ENOPH1: variants seen among roughly 807,000 people sequenced by gnomAD.
ENOPH1 encodes the protein enolase-phosphatase 1, also known as enolase-phosphatase E1.
Under a neutral mutation model 31.1 loss-of-function variants are expected in ENOPH1, and 14 were observed. The observed-to-expected ratio is 0.45, with a 90% CI of 0.30 to 0.70. The LOEUF (loss-of-function observed/expected upper bound fraction) is 0.70. Among genes scored for constraint, ENOPH1 ranks in the 30% least tolerant of loss-of-function variants. The pLI, the probability that ENOPH1 is intolerant of heterozygous loss-of-function variation, is 0.09. For missense variants in ENOPH1, 243 were observed against 321.5 expected (o/e 0.76, Z 1.87); for synonymous variants, 127 against 123.2 (o/e 1.03, Z -0.21).
At chr4:82,447,701 G>A (rs1046421790) in intron 1 of ENOPH1, among the ~76,000 whole-genome samples, 4 of 152,208 alleles carry the variant, frequency 2.6e-5, no homozygotes, top group Non-Finnish European at 5.9e-5. Flanking sequence ...ATAGGCAGTG[G>A]ACTTGATTTG....
At chr4:82,442,015 T>C (rs937144853) in intron 1 of ENOPH1, among the ~76,000 whole-genome samples, 1 of 152,182 alleles carries the variant, frequency 6.6e-6, no homozygotes, top group African/African-American at 2.4e-5. Context: ...CTGATCATAG[T>C]ATAGCTGATT....
rs1203134923 is a variant in ENOPH1 at position 82,460,261 on chromosome 4, AT to A, written c.*143del. Reference sequence around the variant, plus strand: ...AGTATGTATATATGTGTATGCTCAGATTAACTTCCATAGGTACATAAGTGAA... The same window carrying A: ...AGTATGTATATATGTGTATGCTCAGATAACTTCCATAGGTACATAAGTGAA... On this transcript the variant is annotated 3_prime_UTR_variant, in exon 6 of 6. Transcript: ENST00000273920. 4.1e-6 allele frequency: 3 copies of A among 728,928 alleles called. No individual in the cohort carries two copies. The African/African-American group carries it at 5.4e-5, about 13-fold the overall frequency. 45.2% of individuals were successfully genotyped at this position (728,928 alleles called of 1,614,324 possible).
chr4:82,450,288 A>AT lies in ENOPH1; in HGVS notation c.187-749dup, dbSNP rs1258898169. 2.6e-5 allele frequency among the ~76,000 whole-genome samples: 4 copies of AT among 152,272 alleles called. No homozygotes were observed. In the East Asian group the frequency reaches 5.8e-4, roughly 22 times the overall value. On this transcript the variant is annotated intron_variant, in intron 2 of 5. Transcript: ENST00000273920. ...TTTTAAACCAACCATAACAAAACCA[A>AT]TTTTTTCTCCACATAAATGTTATAA...
chr4:82,454,087 GC>G (rs879345008), intron 3 of ENOPH1, among the ~76,000 whole-genome samples: 8 of 150,304 alleles, frequency 5.3e-5, no homozygotes, highest in Non-Finnish European at 1.0e-4. Flanking sequence ...GGTAGCACAT[GC>G]TTGTAGTCCC....
chr4:82,457,394 G>A (rs149072933), intron 5 of ENOPH1, among the ~76,000 whole-genome samples: 6 of 152,202 alleles, frequency 3.9e-5, no homozygotes, highest in Non-Finnish European at 7.4e-5. Context: ...CACTCCTGTG[G>A]TCCCAGCTGC....
chr4:82,445,219 A>G (rs1303475518), intron 1 of ENOPH1, among the ~76,000 whole-genome samples: 1 of 151,494 alleles, frequency 6.6e-6, no homozygotes, highest in African/African-American at 2.4e-5. Context: ...ACAGATCAAG[A>G]CTCTGTCTCA....
chr4:82,445,242 A>T (rs1351931407), intron 1 of ENOPH1, among the ~76,000 whole-genome samples: 1 of 152,162 alleles, frequency 6.6e-6, no homozygotes, highest in East Asian at 1.9e-4. Flanking sequence ...AAAGAAAAAA[A>T]AAATTCTTAT....
chr4:82,440,026 C>T (rs1286031983), intron 1 of ENOPH1, among the ~76,000 whole-genome samples: 1 of 151,954 alleles, frequency 6.6e-6, no homozygotes, highest in African/African-American at 2.4e-5. Flanking sequence ...ATTGGGTAGG[C>T]ATTTGGAAAA....
At chr4:82,444,480 T>C (rs1391166524) in intron 1 of ENOPH1, among the ~76,000 whole-genome samples, 5 of 152,244 alleles carry the variant, frequency 3.3e-5, no homozygotes, top group Non-Finnish European at 7.3e-5. Flanking sequence ...ACCCGTTTTC[T>C]TCAAAGGAGA....
chr4:82,454,072 G>A (rs1372822814), intron 3 of ENOPH1, among the ~76,000 whole-genome samples: 2 of 151,728 alleles, frequency 1.3e-5, no homozygotes, highest in East Asian at 1.9e-4. Context: ...AAAAAAGCTG[G>A]GGGTGGTAGC....
At position 82,441,360 on chromosome 4, in the gene ENOPH1, T is replaced by C. The variant is rs143387616; in HGVS notation, c.85-6560T>C. Among the ~76,000 whole-genome samples, 843 of 152,276 alleles carry C rather than the reference T, an allele frequency of 5.5e-3. 10 individuals are homozygous for C. In the East Asian group the frequency reaches 0.064, roughly 12 times the overall value. ...TCAGGTTGTCAGGTGTGGTGGCTCA[T>C]GCCTGTAATCCCAGCTGTTTGGGAG... is the stretch of plus-strand genomic sequence containing the variant. On this transcript the variant is annotated intron_variant, in intron 1 of 5. Coordinates refer to ENST00000273920, the MANE Select transcript of ENOPH1 (RefSeq NM_021204.5).
At chr4:82,450,148 G>A (rs1005242622) in intron 2 of ENOPH1, among the ~76,000 whole-genome samples, 2 of 152,192 alleles carry the variant, frequency 1.3e-5, no homozygotes, top group African/African-American at 2.4e-5. Flanking sequence ...GAATATTTGG[G>A]ATTTTAATTT....
chr4:82,437,515 T>C (rs1395714030), intron 1 of ENOPH1, among the ~76,000 whole-genome samples: 4 of 152,202 alleles, frequency 2.6e-5, no homozygotes, highest in African/African-American at 9.6e-5. Context: ...CCTTTTCGTC[T>C]CCAAGTGTGG....
chr4:82,443,685 GC>G lies in ENOPH1; in HGVS notation c.85-4233del, dbSNP rs1424532495. Reference sequence around the variant, plus strand: ...GGAGCTTGCAGTGAGCTGAGATTGTGCCACTGCCCTCCAGCCTGGGACAGAG... The same window carrying G: ...GGAGCTTGCAGTGAGCTGAGATTGTGCACTGCCCTCCAGCCTGGGACAGAG... On this transcript the variant is annotated intron_variant, in intron 1 of 5. Coordinates refer to ENST00000273920, the MANE Select transcript of ENOPH1 (RefSeq NM_021204.5). 1.0e-4 allele frequency among the ~76,000 whole-genome samples: 15 copies of G among 143,918 alleles called. 2 individuals carry two copies. In the East Asian group the frequency reaches 3.1e-3, roughly 30 times the overall value. 94.4% of individuals were successfully genotyped at this position (143,918 alleles called of 152,430 possible). A position where few individuals can be genotyped will look rare whatever the true frequency, so the allele number is the denominator to read the frequency against.
chr4:82,447,297 T>C (rs1462580463), intron 1 of ENOPH1, among the ~76,000 whole-genome samples: 1 of 152,230 alleles, frequency 6.6e-6, no homozygotes, highest in Admixed American at 6.5e-5. Flanking sequence ...CATATCACTT[T>C]CTTATAGGAT....
rs1443353336 is a variant in ENOPH1, at chr4:82,430,837, T to C, written c.8T>C (p.Val3Ala). Residue 3 changes from valine to alanine, a missense_variant, in exon 1 of 6, where the codon GTG becomes GCG. By Grantham distance (64) the Val-to-Ala change is moderately conservative. Coordinates refer to ENST00000273920, the MANE Select transcript of ENOPH1 (RefSeq NM_021204.5). MV[V>A]LSVPAEVTVI... is the part of the protein sequence containing the mutation. ...GTAGCATCCGGTAGGGAAATGGTCG[T>C]GCTTTCGGTCCCCGCCGAAGTCACC... 1.7e-5 allele frequency: 27 copies of C among 1,614,126 alleles called. No individual in the cohort carries two copies. Among genetic ancestry groups the C allele is most frequent in the Non-Finnish European group, 2.2e-5 (26 of 1,179,964 alleles).
At chr4:82,431,796 T>C (rs1057447526) in intron 1 of ENOPH1, among the ~76,000 whole-genome samples, 2 of 152,188 alleles carry the variant, frequency 1.3e-5, no homozygotes, top group African/African-American at 4.8e-5. Flanking sequence ...ACAATAATAG[T>C]CGAGATATAC....
intron 1 of ENOPH1, among the ~76,000 whole-genome samples, chr4:82,441,581 C>T (rs1178217432): frequency 6.6e-6 from 1 of 152,114 alleles, no homozygotes; most frequent in East Asian, 1.9e-4. Flanking sequence ...TTGCAGTGAG[C>T]TGAGATGGCG....
At chr4:82,448,236 GT>G (rs540208994) in intron 2 of ENOPH1, among the ~76,000 whole-genome samples, 4 of 148,864 alleles carry the variant, frequency 2.7e-5, no homozygotes, top group East Asian at 3.9e-4. Flanking sequence ...CTCTTTGGTT[GT>G]TTTTTTTTGT....
Sources: allele counts gnomAD v4.1 joint callset (sites outside exome capture counted in the v4.1 genomes callset), GRCh38; gene constraint gnomAD v4.1.1; transcripts MANE v1.5; gene names NCBI Gene and HGNC (gene_info 2026-07-23, HGNC 2026-07-21).